NHSL1: variants seen among roughly 807,000 people sequenced by gnomAD.
The protein encoded by NHSL1 is NHS-like protein 1.
A neutral mutation model predicts 95.0 loss-of-function variants in NHSL1; 48 were observed. The ratio of observed to expected loss-of-function variants is 0.51; its 90% confidence interval spans 0.40 to 0.64. The LOEUF (loss-of-function observed/expected upper bound fraction) is 0.64. NHSL1 is among the 30% of genes least tolerant of loss of function. The pLI is 0.00. For synonymous variants in NHSL1, 783 were observed against 833.9 expected, an observed-to-expected ratio of 0.94 and a Z score of 1.05; for missense variants, 1,971 against 2,077.7, an observed-to-expected ratio of 0.95 and a Z score of 1.00.
intron 1 of NHSL1, among the ~76,000 whole-genome samples, chr6:138,610,548 A>T (rs574748433): frequency 2.8e-4 from 32 of 113,334 alleles, no homozygotes; most frequent in South Asian, 2.4e-3. Context: ...ATAATAAAAA[A>T]ATATATATAT....
chr6:138,584,161 ACT>A (rs1267306646), intron 1 of NHSL1, among the ~76,000 whole-genome samples: 3 of 152,064 alleles, frequency 2.0e-5, no homozygotes, highest in African/African-American at 7.2e-5. Flanking sequence ...CCTTCCACTG[ACT>A]CTGCAACTAA....
intron 1 of NHSL1, among the ~76,000 whole-genome samples, chr6:138,579,094 C>A (rs976762747): frequency 6.6e-6 from 1 of 152,182 alleles, no homozygotes; most frequent in African/African-American, 2.4e-5. Context: ...ACAGGGTTCG[C>A]ACTCCTATGA....
At chr6:138,625,943 G>A (rs559454738) in intron 1 of NHSL1, among the ~76,000 whole-genome samples, 37 of 152,272 alleles carry the variant, frequency 2.4e-4, no homozygotes, top group African/African-American at 7.9e-4. Flanking sequence ...ACACCCAACC[G>A]AAAGTATTTG....
At chr6:138,583,955 C>A (rs1324075178) in intron 1 of NHSL1, among the ~76,000 whole-genome samples, 1 of 152,044 alleles carries the variant, frequency 6.6e-6, no homozygotes, top group Non-Finnish European at 1.5e-5. Flanking sequence ...CACCTCGTCT[C>A]TACAAAAAAT....
At chr6:138,435,942 G>C (rs1041685993) in intron 5 of NHSL1, among the ~76,000 whole-genome samples, 1 of 151,804 alleles carries the variant, frequency 6.6e-6, no homozygotes, top group African/African-American at 2.4e-5. Flanking sequence ...TTGTTTTGGG[G>C]GTGCCACAAA....
intron 1 of NHSL1, among the ~76,000 whole-genome samples, chr6:138,529,866 G>T (rs1249521758): frequency 6.6e-6 from 1 of 152,170 alleles, no homozygotes; most frequent in Non-Finnish European, 1.5e-5. Flanking sequence ...TAACTTTAAT[G>T]ACATCTGAAA....
At chr6:138,479,863 A>G (rs561790734) in intron 2 of NHSL1, among the ~76,000 whole-genome samples, 241 of 152,302 alleles carry the variant, frequency 1.6e-3, no homozygotes, top group Non-Finnish European at 2.5e-3. Flanking sequence ...TGCAGTGAAA[A>G]TTTTCCCAAG....
At chr6:138,507,856 T>C (rs1245933394) in intron 1 of NHSL1, among the ~76,000 whole-genome samples, 1 of 151,986 alleles carries the variant, frequency 6.6e-6, no homozygotes, top group African/African-American at 2.4e-5. Context: ...TCATCAATTA[T>C]GGGGTTGGGG....
intron 1 of NHSL1, among the ~76,000 whole-genome samples, chr6:138,642,638 G>T (rs1784972307): frequency 6.6e-6 from 1 of 151,990 alleles, no homozygotes. Flanking sequence ...GTTTGTTTCA[G>T]TTTTTTTTAA....
chr6:138,429,896 C>T, intron 6 of NHSL1, 53 bp from the exon 7 acceptor site: 8 of 1,515,862 alleles, frequency 5.3e-6, no homozygotes, highest in Non-Finnish European at 7.1e-6. Context: ...GAATTTCAGT[C>T]CTCAGCCAAG....
At chr6:138,660,636 G>A (rs182457408) in intron 1 of NHSL1, among the ~76,000 whole-genome samples, 33 of 148,404 alleles carry the variant, frequency 2.2e-4, no homozygotes, top group African/African-American at 7.7e-4. Flanking sequence ...GCAAGACTCC[G>A]TCTCAAAAAA....
chr6:138,484,266 G>C (rs1779593563), intron 2 of NHSL1, among the ~76,000 whole-genome samples: 1 of 152,194 alleles, frequency 6.6e-6, no homozygotes, highest in Non-Finnish European at 1.5e-5. Context: ...TTGCAGGCAA[G>C]TGTAGGCGGG....
intron 1 of NHSL1, among the ~76,000 whole-genome samples, chr6:138,645,862 T>C (rs1785013903): frequency 6.6e-6 from 1 of 152,190 alleles, no homozygotes; most frequent in East Asian, 1.9e-4. Flanking sequence ...TTTGGTCTTT[T>C]TGTTCACTGA....
rs187252085 is a variant in NHSL1, at chr6:138,423,022, G to A, written c.*1059C>T. ...ACTTTTTCTTTGGTGTAACCAAAAG[G>A]ATATCCAAAAGTTAGCAAATGTTGA... On this transcript the variant is annotated 3_prime_UTR_variant, in exon 8 of 8. Coordinates refer to ENST00000343505, the MANE Select transcript of NHSL1 (RefSeq NM_001144060.2). 1 of 145,154 alleles carries A rather than the reference G, an allele frequency of 6.9e-6. No individual in the cohort carries two copies. The highest frequency in any genetic ancestry group is 7.0e-5 in the Admixed American group (1 of 14,372). 9.0% of individuals were successfully genotyped at this position (145,154 alleles called of 1,614,324 possible). A position where few individuals can be genotyped will look rare whatever the true frequency, so the allele number is the denominator to read the frequency against.
chr6:138,573,739 A>T (rs947781178), upstream of NHSL1, among the ~76,000 whole-genome samples: 1 of 152,188 alleles, frequency 6.6e-6, no homozygotes, highest in South Asian at 2.1e-4. Flanking sequence ...CATGATTTTC[A>T]GATAGGAAAA....
At chr6:138,570,113 C>T (rs1375773067) in intron 1 of NHSL1, among the ~76,000 whole-genome samples, 2 of 152,228 alleles carry the variant, frequency 1.3e-5, no homozygotes, top group Admixed American at 6.5e-5. Flanking sequence ...CACACAAATT[C>T]AGTCTCTGTT....
chr6:138,432,734 A>T lies in NHSL1; in HGVS notation c.1611T>A (p.Ser537Arg). The T allele has an allele frequency of 6.4e-7, 1 of 1,551,322 alleles. No individual in the cohort carries two copies. The highest frequency in any genetic ancestry group is 8.7e-7 in the Non-Finnish European group (1 of 1,146,890). The change falls in exon 6 of 8, where the codon AGT becomes AGA. Residue 537 changes from serine (S) to arginine (R), a missense_variant. Ser to Arg is a moderately radical substitution (Grantham distance 110, BLOSUM62 -1). Coordinates refer to ENST00000343505, the MANE Select transcript of NHSL1 (RefSeq NM_001144060.2). This position sits in a 1 kb window ranked among gnomAD's most constrained non-coding sequence, Gnocchi z 4.4. ...PAHPQDVDGK[S>R]ESSYSGGGGH... ...CTCCGCCCCCTGAATAACTAGATTCACTCTTGCCATCCACATCTTGGGGGT... is the reference window on the plus strand; with the variant it reads ...CTCCGCCCCCTGAATAACTAGATTCTCTCTTGCCATCCACATCTTGGGGGT...
chr6:138,633,992 TAA>T (rs1268734521), intron 1 of NHSL1, among the ~76,000 whole-genome samples: 1 of 152,178 alleles, frequency 6.6e-6, no homozygotes, highest in East Asian at 1.9e-4. Context: ...TGCAAAGTGT[TAA>T]GTTATCTGCT....
At chr6:138,663,135 A>G (rs779806300) in intron 1 of NHSL1, among the ~76,000 whole-genome samples, 17 of 151,754 alleles carry the variant, frequency 1.1e-4, no homozygotes, top group Non-Finnish European at 2.1e-4. Flanking sequence ...ATTTCCCTGT[A>G]GTGGAATACT....
Sources: gnomAD v4.1 joint callset for allele counts (sites outside exome capture counted in the v4.1 genomes callset) on GRCh38, gnomAD v4.1.1 for gene constraint, Gnocchi (gnomAD v3.1) non-coding constraint, MANE v1.5 for transcripts, NCBI Gene and HGNC (gene_info 2026-07-23, HGNC 2026-07-21) for gene names.